The following COL16A1 variants were observed in gnomAD, a reference collection of about 807,000 sequenced individuals.
COL16A1 encodes collagen type XVI alpha 1 chain.
In COL16A1, 189 loss-of-function variants were observed where a neutral mutation model predicts 266.3. The ratio of observed to expected loss-of-function variants is 0.71; its 90% confidence interval spans 0.63 to 0.80. The LOEUF (loss-of-function observed/expected upper bound fraction) is 0.80. Among genes scored for constraint, COL16A1 ranks in the 30% least tolerant of loss-of-function variants. The pLI, the probability that COL16A1 is intolerant of heterozygous loss-of-function variation, is 0.00. For missense variants in COL16A1, 1,928 were observed against 2,122.4 expected, an observed-to-expected ratio of 0.91 and a Z score of 1.80; for synonymous variants, 740 against 782.3, an observed-to-expected ratio of 0.95 and a Z score of 0.90.
intron 59 of COL16A1, 33 bp downstream of exon 59, chr1:31,661,627 C>A (rs1166617265): frequency 1.2e-6 from 2 of 1,613,858 alleles, no homozygotes; most frequent in Non-Finnish European, 1.7e-6. Context: ...TGCAACTTCG[C>A]AGCTTCCAAC....
In COL16A1 at chr1:31,697,397, T is replaced by C; in HGVS notation, c.658-97A>G. On this transcript the variant is annotated intron_variant, in intron 6 of 70. Coordinates refer to ENST00000373672, the MANE Select transcript of COL16A1 (RefSeq NM_001856.4). This position sits in a 1 kb window ranked among gnomAD's most constrained non-coding sequence, Gnocchi z 4.2. ...ACAGAGATGTCTCTGCCCCAGGATG[T>C]GACCTCAGGGTGTTTCCAGTCTGGC... 1 of 1,260,524 alleles carries C rather than the reference T, an allele frequency of 7.9e-7. No individual in the cohort carries two copies. The highest frequency in any genetic ancestry group is 1.4e-5 in the South Asian group (1 of 71,358). 78.1% of individuals were successfully genotyped at this position (1,260,524 alleles called of 1,614,324 possible).
chr1:31,686,112 T>G lies in COL16A1; in HGVS notation c.1863A>C (p.Pro621=), dbSNP rs1007208013. 2 of 1,614,022 alleles carry G rather than the reference T, an allele frequency of 1.2e-6. No individual in the cohort carries two copies. The highest frequency in any genetic ancestry group is 2.7e-5 in the African/African-American group (2 of 74,894). The change falls in exon 28 of 71, where the codon CCA becomes CCC. Residue 621 remains proline, a synonymous_variant. Coordinates refer to ENST00000373672, the MANE Select transcript of COL16A1 (RefSeq NM_001856.4). ...TCACCTTCGCCCCTTTGATGCCTGC[T>G]GGCCCCACTGGTCCTGGTGGCCCCT... ...GSPGPPGPVG[P]AGIKGAKGEP... is the part of the protein sequence containing the mutation.
rs1290619322 is a variant in COL16A1 at position 31,657,316 on chromosome 1, A to G, written c.4021-248T>C. 5.3e-6 allele frequency: 3 copies of G among 567,964 alleles called. No homozygotes were observed. The highest frequency in any genetic ancestry group is 2.8e-5 in the East Asian group (1 of 35,250). 35.2% of individuals were successfully genotyped at this position (567,964 alleles called of 1,614,324 possible). A position where few individuals can be genotyped will look rare whatever the true frequency, so the allele number is the denominator to read the frequency against. ...CAAGAGCTTTACAAGGGAAGAACAG[A>G]CCGTGCCTGCCTTGCTGTGTGCTTG... On this transcript the variant is annotated intron_variant, in intron 64 of 70. Transcript: ENST00000373672. This position sits in a 1 kb window ranked among gnomAD's most constrained non-coding sequence, Gnocchi z 6.4.
At chr1:31,653,549 G>A (rs1419031653) in intron 70 of COL16A1, 50 bp downstream of exon 70, 2 of 1,563,370 alleles carry the variant, frequency 1.3e-6, no homozygotes, top group Non-Finnish European at 1.7e-6. Flanking sequence ...AGAAAGAAAA[G>A]GGGTCTCTGC....
In COL16A1 at chr1:31,663,211, G is replaced by A. The variant is rs571818729; in HGVS notation, c.3556-553C>T. On this transcript the variant is annotated intron_variant, in intron 56 of 70. Transcript: ENST00000373672. This position sits in a 1 kb window ranked among gnomAD's most constrained non-coding sequence, Gnocchi z 4.9. ...GGTCATGGGCCCAACACAACCAGGG[G>A]CAATACAACAGTCTAAGTGTTCTGT... The A allele has an allele frequency of 2.7e-4, 43 of 159,930 alleles. No homozygotes were observed. The highest frequency in any genetic ancestry group is 1.9e-4 in the East Asian group (1 of 5,340). The allele number at this position is 159,930 out of a possible 1,614,324, so 9.9% of individuals were successfully genotyped here.
Position 31,699,861 on chromosome 1 carries a change from C to A in COL16A1, c.218G>T (p.Gly73Val). The change falls in exon 4 of 71, where the codon GGG becomes GTG. Residue 73 changes from glycine (G) to valine (V), a missense_variant. Coordinates refer to ENST00000373672, the MANE Select transcript of COL16A1 (RefSeq NM_001856.4). ...SAIKKIRNPKGPLILRLGAAP... is the reference protein window; with the variant it reads ...SAIKKIRNPKVPLILRLGAAP... ...CGCCCCCAGGCGCAGGATGAGAGGCCCCTTGGGGTTGCGGATCTTCTTGAT... is the reference window on the plus strand; with the variant it reads ...CGCCCCCAGGCGCAGGATGAGAGGCACCTTGGGGTTGCGGATCTTCTTGAT... The A allele has an allele frequency of 6.2e-7, 1 of 1,614,060 alleles. No homozygotes were observed. Among genetic ancestry groups the A allele is most frequent in the Non-Finnish European group, 8.5e-7 (1 of 1,179,978 alleles).
Position 31,693,160 on chromosome 1 carries a change from A to G in COL16A1, c.1009-6T>C. On this transcript the variant is annotated splice_polypyrimidine_tract_variant and splice_region_variant and intron_variant, in intron 12 of 70. Coordinates refer to ENST00000373672, the MANE Select transcript of COL16A1 (RefSeq NM_001856.4). ...CCCCGCTCACCTTTCCCTCCCTGAG[A>G]GTGAAACCAGAATGGAAGATAGGAC... 6.2e-7 allele frequency: 1 copy of G among 1,600,862 alleles called. No individual in the cohort carries two copies. Among genetic ancestry groups the G allele is most frequent in the Non-Finnish European group, 8.6e-7 (1 of 1,168,206 alleles).
At chr1:31,689,879 A>G in intron 22 of COL16A1, 28 bp from the exon 23 acceptor site, 1 of 1,605,328 alleles carries the variant, frequency 6.2e-7, no homozygotes, top group Middle Eastern at 1.7e-4. Context: ...CAGTATGTGG[A>G]CAGGGTGGGG....
rs143833058 is a variant in COL16A1 at position 31,680,141 on chromosome 1, G to A, written c.2611-40C>T. 697 of 1,601,796 alleles carry A rather than the reference G, an allele frequency of 4.4e-4. 8 individuals carry two copies. The East Asian group carries it at 0.013, about 31-fold the overall frequency. On this transcript the variant is annotated intron_variant, in intron 39 of 70. Transcript: ENST00000373672. ...GCCTTTGTGAGACATGGATGAAGAC[G>A]AAGGGCTCTCTTGAAATGGACATCC... is the stretch of plus-strand genomic sequence containing the variant.
chr1:31,679,870 C>G lies in COL16A1; in HGVS notation c.2671-19G>C, dbSNP rs1175633578. 6.7e-7 allele frequency: 1 copy of G among 1,503,126 alleles called. No individual in the cohort carries two copies. Among genetic ancestry groups the G allele is most frequent in the Non-Finnish European group, 8.9e-7 (1 of 1,126,844 alleles). The allele number at this position is 1,503,126 out of a possible 1,614,324, so 93.1% of individuals were successfully genotyped here. ...GAGCACCCTGGGTGGGAGTGGGGGT[C>G]GCAAAAGAAGGGGAGAGGTTATAGG... On this transcript the variant is annotated intron_variant, in intron 40 of 70. Coordinates refer to ENST00000373672, the MANE Select transcript of COL16A1 (RefSeq NM_001856.4).
At position 31,661,466 on chromosome 1, in the gene COL16A1, A is replaced by G; in HGVS notation, c.3727-8T>C. The G allele has an allele frequency of 6.2e-7, 1 of 1,614,202 alleles. No individual in the cohort carries two copies. Among genetic ancestry groups the G allele is most frequent in the Non-Finnish European group, 8.5e-7 (1 of 1,180,032 alleles). ...TGTTTTCCCCTTAAAGCCCTGAAAGAAAAAGCAGGGAGTTCTCATGTCCCT... is the reference window on the plus strand; with the variant it reads ...TGTTTTCCCCTTAAAGCCCTGAAAGGAAAAGCAGGGAGTTCTCATGTCCCT... On this transcript the variant is annotated splice_polypyrimidine_tract_variant and splice_region_variant and intron_variant, in intron 59 of 70. Coordinates refer to ENST00000373672, the MANE Select transcript of COL16A1 (RefSeq NM_001856.4).
At position 31,698,555 on chromosome 1, in the gene COL16A1, T is replaced by C; in HGVS notation, c.318A>G (p.Leu106=). 6.2e-7 allele frequency: 1 copy of C among 1,613,984 alleles called. No homozygotes were observed. The highest frequency in any genetic ancestry group is 8.5e-7 in the Non-Finnish European group (1 of 1,179,976). Residue 106 remains leucine (L), a synonymous_variant, in exon 5 of 71, where the codon CTA becomes CTG. Transcript: ENST00000373672. This position sits in a 1 kb window ranked among gnomAD's most constrained non-coding sequence, Gnocchi z 4.1. ...LPEEFALVLT[L]LLKKHTHQKT... ...TCTGGTGGGTGTGTTTCTTCAGCAGTAGTGTCAGCACCAGGGCAAACTCCT... is the reference window on the plus strand; with the variant it reads ...TCTGGTGGGTGTGTTTCTTCAGCAGCAGTGTCAGCACCAGGGCAAACTCCT...
At position 31,699,747 on chromosome 1, in the gene COL16A1, C is replaced by A. The variant is rs923895972; in HGVS notation, c.266+66G>T. On this transcript the variant is annotated intron_variant, in intron 4 of 70. Coordinates refer to ENST00000373672, the MANE Select transcript of COL16A1 (RefSeq NM_001856.4). ...AGGCCCCTGGGCTTAAGCCCCACAT[C>A]TGGAGTTGCTGAGGAGTGTGGCTGA... 8 of 1,043,070 alleles carry A rather than the reference C, an allele frequency of 7.7e-6. No homozygotes were observed. The African/African-American group carries it at 1.1e-4, about 14-fold the overall frequency. 64.6% of individuals were successfully genotyped at this position (1,043,070 alleles called of 1,614,324 possible).
At chr1:31,696,424 C>A (rs542173857) in intron 8 of COL16A1, among the ~76,000 whole-genome samples, 351 of 149,576 alleles carry the variant, frequency 2.3e-3, no homozygotes, top group Non-Finnish European at 3.4e-3. Context: ...CCCGAGCGGG[C>A]AGGGAGAGTG....
chr1:31,671,114 G>T (rs954982377), intron 48 of COL16A1, among the ~76,000 whole-genome samples: 9 of 152,220 alleles, frequency 5.9e-5, no homozygotes, highest in African/African-American at 2.2e-4. Flanking sequence ...CATCACAGAG[G>T]ACTCCAGAGT....
At chr1:31,679,564 GC>G in intron 42 of COL16A1, 67 bp downstream of exon 42, 1 of 1,614,072 alleles carries the variant, frequency 6.2e-7, no homozygotes, top group Non-Finnish European at 8.5e-7. Flanking sequence ...TTGGGGTCCA[GC>G]CGGGAGCAGC....
chr1:31,667,126 G>A (rs1642207924), intron 52 of COL16A1, among the ~76,000 whole-genome samples: 1 of 152,250 alleles, frequency 6.6e-6, no homozygotes, highest in South Asian at 2.1e-4. Flanking sequence ...CCAGATAGAT[G>A]TGTGTTCAAG....
chr1:31,672,369 ACAGGGCCC>A, intron 47 of COL16A1, 39 bp downstream of exon 47: 1 of 1,608,998 alleles, frequency 6.2e-7, no homozygotes, highest in South Asian at 1.1e-5. Context: ...TCAAAGGCAG[ACAGGGCCC>A]CAGCTCCCTT....
chr1:31,665,288 C>A, intron 55 of COL16A1, 54 bp from the exon 56 acceptor site: 2 of 1,571,678 alleles, frequency 1.3e-6, no homozygotes, highest in Non-Finnish European at 1.7e-6. Context: ...GGGGGAGCTC[C>A]CCTTCTTTAT....
Sources: allele counts gnomAD v4.1 joint callset (sites outside exome capture counted in the v4.1 genomes callset), GRCh38; gene constraint gnomAD v4.1.1; non-coding constraint Gnocchi (gnomAD v3.1); transcripts MANE v1.5; gene names NCBI Gene and HGNC (gene_info 2026-07-23, HGNC 2026-07-21).